Variants in TRERF1 observed in about 807,000 individuals in gnomAD.
TRERF1 encodes transcriptional-regulating factor 1.
Under a neutral mutation model 122.9 loss-of-function variants are expected in TRERF1, and 27 were observed. The ratio of observed to expected loss-of-function variants is 0.22; its 90% confidence interval spans 0.16 to 0.30. TRERF1 has a LOEUF of 0.30. Among genes scored for constraint, TRERF1 ranks in the 10% least tolerant of loss-of-function variants. The pLI is 1.00. For missense variants in TRERF1, 1,248 were observed against 1,560.3 expected (o/e 0.80, Z 3.37); for synonymous variants, 636 against 641.7 (o/e 0.99, Z 0.13).
At chr6:42,369,258 TG>T (rs1411623068) in intron 2 of TRERF1, among the ~76,000 whole-genome samples, 1 of 152,180 alleles carries the variant, frequency 6.6e-6, no homozygotes, top group Non-Finnish European at 1.5e-5. Flanking sequence ...CAGACCAGCC[TG>T]GCCAACATGG....
At position 42,228,171 on chromosome 6, in the gene TRERF1, T is replaced by G. The variant is rs1298595443; in HGVS notation, c.*174A>C. 1 of 591,684 alleles carries G rather than the reference T, an allele frequency of 1.7e-6. No individual in the cohort carries two copies. Among genetic ancestry groups the G allele is most frequent in the Non-Finnish European group, 2.7e-6 (1 of 371,252 alleles). 36.7% of individuals were successfully genotyped at this position (591,684 alleles called of 1,614,324 possible). On this transcript the variant is annotated 3_prime_UTR_variant, in exon 18 of 18. Coordinates refer to ENST00000372922, the Ensembl canonical transcript of TRERF1. The surrounding 1 kb of genome is among the most constrained non-coding windows in gnomAD (Gnocchi z 4.2). Reference sequence around the variant, plus strand: ...TCCCCCAACCCCCCACAAAAACAAATTTTTTTAAATAAAAGGAAAAGAAAT... The same window carrying G: ...TCCCCCAACCCCCCACAAAAACAAAGTTTTTTAAATAAAAGGAAAAGAAAT...
rs1403449260 is a variant in TRERF1 at position 42,268,652 on chromosome 6, CTGTAGCTGCTGCGGCTGCTGCTGCTGT to C, written c.912_938del (p.Gln305_Gln313del). ...GCATTGAACCCTGCCGCTGCTGCAG[CTGTAGCTGCTGCGGCTGCTGCTGCTGT>C]GGCGGCGGCTGTGGCTGTGATGGGC... On this transcript the variant is annotated inframe_deletion, in exon 5 of 18. Transcript: ENST00000372922. This position sits in a 1 kb window ranked among gnomAD's most constrained non-coding sequence, Gnocchi z 4.4. 1 of 1,613,960 alleles carries C rather than the reference CTGTAGCTGCTGCGGCTGCTGCTGCTGT, an allele frequency of 6.2e-7. No homozygotes were observed. The highest frequency in any genetic ancestry group is 1.3e-5 in the African/African-American group (1 of 74,902).
chr6:42,299,850 G>A (rs1413271679), intron 4 of TRERF1, among the ~76,000 whole-genome samples: 4 of 152,216 alleles, frequency 2.6e-5, no homozygotes, highest in Non-Finnish European at 5.9e-5. Context: ...CACAGTGCCT[G>A]TCACAAAGGA....
chr6:42,308,624 GT>G (rs1787701996), intron 3 of TRERF1, among the ~76,000 whole-genome samples: 1 of 152,250 alleles, frequency 6.6e-6, no homozygotes, highest in East Asian at 1.9e-4. Flanking sequence ...ACGAGATCGT[GT>G]CTTTTGCAGG....
chr6:42,315,131 A>T lies in TRERF1; in HGVS notation c.-370-14382T>A, dbSNP rs552281315. On this transcript the variant is annotated intron_variant, in intron 3 of 17. Transcript: ENST00000372922. ...AGCGTGGTAGGACGGGGTCTCCATT[A>T]TGTAGGGTAGTGGTCTCCACCTGGA... Among the ~76,000 whole-genome samples the T allele has an allele frequency of 2.0e-5, 3 of 152,242 alleles. No homozygotes were observed. The South Asian group carries it at 6.2e-4, about 32-fold the overall frequency.
At chr6:42,240,115 A>T (rs893365231) in intron 15 of TRERF1, among the ~76,000 whole-genome samples, 8 of 152,140 alleles carry the variant, frequency 5.3e-5, no homozygotes, top group African/African-American at 1.9e-4. Flanking sequence ...TTGTGTGGAA[A>T]CATCTTTGTT....
chr6:42,422,031 C>T (rs968616598), intron 2 of TRERF1, among the ~76,000 whole-genome samples: 4 of 151,178 alleles, frequency 2.6e-5, no homozygotes, highest in African/African-American at 4.9e-5. Flanking sequence ...ATTAGCCAGG[C>T]GTGGTGGCGT....
intron 2 of TRERF1, among the ~76,000 whole-genome samples, chr6:42,401,939 T>G (rs1779446418): frequency 6.6e-6 from 1 of 152,254 alleles, no homozygotes; most frequent in South Asian, 2.1e-4. Context: ...TCTTGGGCTT[T>G]GAAGCATTCC....
chr6:42,309,424 T>G (rs1355125983), intron 3 of TRERF1, among the ~76,000 whole-genome samples: 15 of 152,196 alleles, frequency 9.9e-5, no homozygotes, highest in Non-Finnish European at 2.1e-4. Context: ...CCATATTTTT[T>G]CTCTCTCCCT....
In TRERF1 at chr6:42,263,598, G is replaced by C. The variant is rs752841424; in HGVS notation, c.1636-30C>G. On this transcript the variant is annotated intron_variant, in intron 7 of 17. Coordinates refer to ENST00000372922, the Ensembl canonical transcript of TRERF1. This position sits in a 1 kb window ranked among gnomAD's most constrained non-coding sequence, Gnocchi z 5.6. ...ACAGACAATAAAGGCTTTGATCCTGGGCTGAGAGCAGCTCTCACAAGGGGG... is the reference window on the plus strand; with the variant it reads ...ACAGACAATAAAGGCTTTGATCCTGCGCTGAGAGCAGCTCTCACAAGGGGG... 2 of 1,467,480 alleles carry C rather than the reference G, an allele frequency of 1.4e-6. No individual in the cohort carries two copies. The highest frequency in any genetic ancestry group is 2.5e-5 in the Admixed American group (1 of 40,732). The allele number at this position is 1,467,480 out of a possible 1,614,324, so 90.9% of individuals were successfully genotyped here. A position where few individuals can be genotyped will look rare whatever the true frequency, so the allele number is the denominator to read the frequency against.
chr6:42,302,344 AT>A (rs1786360320), intron 3 of TRERF1, among the ~76,000 whole-genome samples: 1 of 152,198 alleles, frequency 6.6e-6, no homozygotes, highest in Non-Finnish European at 1.5e-5. Flanking sequence ...ATTACAAGTC[AT>A]TTTCACCCAT....
At chr6:42,418,473 G>A (rs1782249244) in intron 2 of TRERF1, among the ~76,000 whole-genome samples, 2 of 151,756 alleles carry the variant, frequency 1.3e-5, no homozygotes, top group Admixed American at 1.3e-4. Context: ...GTTTCACCAT[G>A]TTGGCCAGGC....
intron 4 of TRERF1, among the ~76,000 whole-genome samples, chr6:42,289,352 AAAAAAC>A (rs1421588143): frequency 0.022 from 3,286 of 151,374 alleles, 31 homozygotes; most frequent in Non-Finnish European, 0.032. Context: ...ACAAACAAAA[AAAAAAC>A]AAAAAAAAAC....
Position 42,393,094 on chromosome 6 carries a change from C to T in TRERF1, c.-453-30015G>A, listed in dbSNP as rs533722234. Among the ~76,000 whole-genome samples the T allele has an allele frequency of 5.3e-5, 8 of 152,330 alleles. No homozygotes were observed. Among genetic ancestry groups the T allele is most frequent in the South Asian group, 2.1e-4 (1 of 4,828 alleles). On this transcript the variant is annotated intron_variant, in intron 2 of 17. Transcript: ENST00000372922. This position sits in a 1 kb window ranked among gnomAD's most constrained non-coding sequence, Gnocchi z 4.1. ...GAGCTGGTGCGAGCCAGCTTCCACA[C>T]GCATCACCGATCTAGGTCCTATTGT...
In TRERF1 at chr6:42,342,493, T is replaced by C. The variant is rs188222048; in HGVS notation, c.-371+20504A>G. Among the ~76,000 whole-genome samples the C allele has an allele frequency of 5.3e-5, 8 of 152,232 alleles. 1 individual carries two copies. In the East Asian group the frequency reaches 1.5e-3, roughly 29 times the overall value. ...CACCTCTGTTCCAGGCAGCCACTAT[T>C]AATCACCCTGAACAGGAGGCCTGGG... On this transcript the variant is annotated intron_variant, in intron 3 of 17. Coordinates refer to ENST00000372922, the Ensembl canonical transcript of TRERF1.
chr6:42,444,626 A>C (rs1787146014), intron 2 of TRERF1, among the ~76,000 whole-genome samples: 3 of 151,230 alleles, frequency 2.0e-5, no homozygotes, highest in Admixed American at 6.6e-5. Context: ...AGTATCCCCC[A>C]CCCCCTTACA....
chr6:42,420,795 T>C (rs1460594071), intron 2 of TRERF1, among the ~76,000 whole-genome samples: 1 of 152,208 alleles, frequency 6.6e-6, no homozygotes, highest in Admixed American at 6.5e-5. Context: ...GATGCTGTCA[T>C]GTAAGTCATG....
intron 2 of TRERF1, among the ~76,000 whole-genome samples, chr6:42,444,601 G>A (rs763473314): frequency 1.3e-5 from 2 of 151,994 alleles, no homozygotes; most frequent in African/African-American, 2.4e-5. Context: ...CTGTCATGAT[G>A]GAGCAAGTTC....
intron 3 of TRERF1, among the ~76,000 whole-genome samples, chr6:42,362,267 T>C (rs1313524574): frequency 6.6e-6 from 1 of 152,122 alleles, no homozygotes; most frequent in African/African-American, 2.4e-5. Context: ...CAATCAATTC[T>C]GAGCCTCATA....
Sources: gnomAD v4.1 joint callset for allele counts (sites outside exome capture counted in the v4.1 genomes callset) on GRCh38, gnomAD v4.1.1 for gene constraint, Gnocchi (gnomAD v3.1) non-coding constraint, MANE v1.5 for transcripts, NCBI Gene and HGNC (gene_info 2026-07-23, HGNC 2026-07-21) for gene names.